The following ZNF474 variants were observed in gnomAD, a reference collection of about 807,000 sequenced individuals.
The protein encoded by ZNF474 is zinc finger protein 474, also known as 4933409D10Rik.
For missense variants in ZNF474, 511 were observed against 433.8 expected, an observed-to-expected ratio of 1.18 and a Z score of -1.58; for synonymous variants, 192 against 162.2, an observed-to-expected ratio of 1.18 and a Z score of -1.39.
chr5:122,153,368 T>C lies in ZNF474; in HGVS notation c.*283T>C. The C allele has an allele frequency of 2.5e-6, 1 of 394,308 alleles. No homozygotes were observed. The highest frequency in any genetic ancestry group is 4.1e-5 in the Admixed American group (1 of 24,198). The allele number at this position is 394,308 out of a possible 1,614,324, so 24.4% of individuals were successfully genotyped here. On this transcript the variant is annotated 3_prime_UTR_variant, in exon 2 of 2. Transcript: ENST00000296600. The stretch of plus-strand genomic sequence containing the variant: ...GAGACAGTAATTTGAAAATGAGTCA[T>C]TAATGCTGTGTCTACATTACAGAGA...
Position 122,152,128 on chromosome 5 carries a change from G to T in ZNF474, c.138G>T (p.Glu46Asp), listed in dbSNP as rs113839901. ...ATTCTAGCCTTTCCCCAGAAACAGA[G>T]AGTGTTAATCCTGGTGAAAATATAA... is the stretch of plus-strand genomic sequence containing the variant. ...DSYSSLSPETESVNPGENIKT... is the reference protein window; with the variant it reads ...DSYSSLSPETDSVNPGENIKT... The change falls in exon 2 of 2, where the codon GAG becomes GAT. Residue 46 changes from glutamate (E) to aspartate (D), a missense_variant. Glu to Asp is a conservative substitution (Grantham distance 45). Transcript: ENST00000296600. 239 of 1,614,178 alleles carry T rather than the reference G, an allele frequency of 1.5e-4. No homozygotes were observed. In the African/African-American group the frequency reaches 2.9e-3, roughly 20 times the overall value.
intron 1 of ZNF474, among the ~76,000 whole-genome samples, chr5:122,130,550 T>A (rs2152602359): frequency 6.6e-6 from 1 of 152,354 alleles, no homozygotes; most frequent in South Asian, 2.1e-4. Flanking sequence ...TATAATTGCA[T>A]TATATGCTTA....
At chr5:122,143,729 C>T (rs1755910641) in intron 1 of ZNF474, among the ~76,000 whole-genome samples, 2 of 152,050 alleles carry the variant, frequency 1.3e-5, no homozygotes, top group Admixed American at 6.6e-5. Context: ...CTTTACAATC[C>T]AACTATGGTC....
intron 1 of ZNF474, among the ~76,000 whole-genome samples, chr5:122,134,925 T>C (rs763842956): frequency 6.6e-6 from 1 of 152,162 alleles, no homozygotes; most frequent in African/African-American, 2.4e-5. Flanking sequence ...AACACTCTAG[T>C]ACATTGGTCT....
chr5:122,134,685 T>A (rs1296691214), intron 1 of ZNF474, among the ~76,000 whole-genome samples: 1 of 152,212 alleles, frequency 6.6e-6, no homozygotes, highest in Admixed American at 6.5e-5. Context: ...TCTGATGAGA[T>A]ACCTTCCAAA....
In ZNF474 at chr5:122,135,309, A is replaced by T. The variant is rs553560480; in HGVS notation, c.-213+5626A>T. ...ACATATCAAGACTTCATCTCAAAAA[A>T]TTTTTTTAATTAGAAAAAAATTAAA... On this transcript the variant is annotated intron_variant, in intron 1 of 1. Coordinates refer to ENST00000296600, the MANE Select transcript of ZNF474 (RefSeq NM_207317.3). Among the ~76,000 whole-genome samples the T allele has an allele frequency of 4.6e-5, 7 of 152,332 alleles. No homozygotes were observed. In the East Asian group the frequency reaches 1.2e-3, roughly 25 times the overall value.
At position 122,135,931 on chromosome 5, in the gene ZNF474, TA is replaced by T. The variant is rs564608934; in HGVS notation, c.-213+6259del. Among the ~76,000 whole-genome samples, 156 of 144,802 alleles carry T rather than the reference TA, an allele frequency of 1.1e-3. No individual in the cohort carries two copies. In the Middle Eastern group the frequency reaches 0.014, roughly 13 times the overall value. 95.0% of individuals were successfully genotyped at this position (144,802 alleles called of 152,430 possible). ...CATGTTCTTACTCAAATGTGGGAGC[TA>T]AAAAAAAAAATGTGATCTCATTGAG... is the stretch of plus-strand genomic sequence containing the variant. On this transcript the variant is annotated intron_variant, in intron 1 of 1. Transcript: ENST00000296600.
At chr5:122,150,988 C>T (rs1372534078) in intron 1 of ZNF474, among the ~76,000 whole-genome samples, 1 of 152,166 alleles carries the variant, frequency 6.6e-6, no homozygotes, top group Admixed American at 6.5e-5. Context: ...TATAGCTCCA[C>T]TTTATTAATA....
intron 1 of ZNF474, among the ~76,000 whole-genome samples, chr5:122,139,054 G>C (rs938373401): frequency 6.6e-6 from 1 of 152,074 alleles, no homozygotes; most frequent in Admixed American, 6.6e-5. Flanking sequence ...CTAAATGATT[G>C]TAAAACATTA....
intron 1 of ZNF474, among the ~76,000 whole-genome samples, chr5:122,138,314 T>G (rs1159709692): frequency 1.3e-5 from 2 of 152,198 alleles, no homozygotes; most frequent in Non-Finnish European, 2.9e-5. Context: ...CCTCACTGTC[T>G]AATTCCTTAC....
chr5:122,151,718 T>A, intron 1 of ZNF474, 61 bp from the exon 2 acceptor site: 1 of 320,186 alleles, frequency 3.1e-6, no homozygotes, highest in Non-Finnish European at 5.8e-6. Flanking sequence ...TGTGTGTGTG[T>A]GTGTGTGTGT....
rs116455542 is a variant in ZNF474 at position 122,149,334 on chromosome 5, T to C, written c.-212-2445T>C. Among the ~76,000 whole-genome samples, 509 of 152,298 alleles carry C rather than the reference T, an allele frequency of 3.3e-3. 2 individuals carry two copies. The highest frequency in any genetic ancestry group is 0.012 in the African/African-American group (500 of 41,564). ...CCCCTGTCACTTAACATTGAAAACATTGTGTTCCATAGCCCCAGTCTCTCT... is the reference window on the plus strand; with the variant it reads ...CCCCTGTCACTTAACATTGAAAACACTGTGTTCCATAGCCCCAGTCTCTCT... On this transcript the variant is annotated intron_variant, in intron 1 of 1. Coordinates refer to ENST00000296600, the MANE Select transcript of ZNF474 (RefSeq NM_207317.3).
intron 1 of ZNF474, among the ~76,000 whole-genome samples, chr5:122,145,476 T>A (rs1580606045): frequency 6.6e-6 from 1 of 152,160 alleles, no homozygotes; most frequent in Non-Finnish European, 1.5e-5. Flanking sequence ...CTCCTGGTCA[T>A]CTTTGGTCTA....
At chr5:122,150,702 A>G (rs1453649534) in intron 1 of ZNF474, among the ~76,000 whole-genome samples, 1 of 152,222 alleles carries the variant, frequency 6.6e-6, no homozygotes, top group Non-Finnish European at 1.5e-5. Context: ...AAATTTACTC[A>G]TAACTTTTCC....
At chr5:122,142,943 G>C (rs1396024941) in intron 1 of ZNF474, among the ~76,000 whole-genome samples, 1 of 152,146 alleles carries the variant, frequency 6.6e-6, no homozygotes, top group East Asian at 1.9e-4. Flanking sequence ...GACCCAGCCT[G>C]CCTTATGGAC....
chr5:122,130,656 T>C (rs1755554082), intron 1 of ZNF474, among the ~76,000 whole-genome samples: 1 of 152,166 alleles, frequency 6.6e-6, no homozygotes, highest in Non-Finnish European at 1.5e-5. Context: ...CCACAAAGTA[T>C]TTTTCTCCTA....
chr5:122,147,578 A>G (rs1561442093), intron 1 of ZNF474, among the ~76,000 whole-genome samples: 1 of 149,860 alleles, frequency 6.7e-6, no homozygotes, highest in African/African-American at 2.5e-5. Flanking sequence ...GCTGTGTCCA[A>G]GTGTTCTCAT....
At chr5:122,131,969 C>T (rs989262341) in intron 1 of ZNF474, among the ~76,000 whole-genome samples, 8 of 151,898 alleles carry the variant, frequency 5.3e-5, no homozygotes, top group Non-Finnish European at 8.8e-5. Context: ...TATAAGAAAA[C>T]GTCCATTAAC....
chr5:122,148,709 T>G (rs753921048), intron 1 of ZNF474, among the ~76,000 whole-genome samples: 1 of 152,174 alleles, frequency 6.6e-6, no homozygotes, highest in Non-Finnish European at 1.5e-5. Context: ...AGAAAACAAC[T>G]GTATATGGCA....
Sources: allele counts gnomAD v4.1 joint callset (sites outside exome capture counted in the v4.1 genomes callset), GRCh38; gene constraint gnomAD v4.1.1; transcripts MANE v1.5; gene names NCBI Gene and HGNC (gene_info 2026-07-23, HGNC 2026-07-21).